The following FANK1 variants were observed in gnomAD, a reference collection of about 807,000 sequenced individuals.
FANK1 encodes the protein fibronectin type 3 and ankyrin repeat domains protein 1.
FANK1 carries 44 observed loss-of-function variants against 45.3 expected under a neutral mutation model. That is an observed-to-expected ratio of 0.97 (90% CI 0.76 to 1.25). The LOEUF is 1.25. Among genes scored for constraint, FANK1 ranks in the 50% most tolerant of loss-of-function variants. The pLI, the probability that FANK1 is intolerant of heterozygous loss-of-function variation, is 0.00. For missense variants in FANK1, 391 were observed against 424.4 expected (o/e 0.92, Z 0.69); for synonymous variants, 149 against 152.5 (o/e 0.98, Z 0.17).
chr10:125,916,269 C>T (rs185405251), intron 1 of FANK1, among the ~76,000 whole-genome samples: 2,450 of 152,066 alleles, frequency 0.016, 62 homozygotes, highest in African/African-American at 0.056. Flanking sequence ...TCTCTTGACC[C>T]GCCTGCCTTG....
chr10:125,917,662 G>A (rs1644648731), intron 1 of FANK1, among the ~76,000 whole-genome samples: 1 of 152,176 alleles, frequency 6.6e-6, no homozygotes, highest in Non-Finnish European at 1.5e-5. Flanking sequence ...CTTTTCTCTT[G>A]TTAATCTGTC....
chr10:125,940,580 A>G (rs2134152854), intron 1 of FANK1, among the ~76,000 whole-genome samples: 1 of 152,206 alleles, frequency 6.6e-6, no homozygotes, highest in East Asian at 1.9e-4. Context: ...AGGGGCACGC[A>G]GGAGACAGAG....
In FANK1 at chr10:125,994,954, C is replaced by T. The variant is rs376466851; in HGVS notation, c.317-463C>T. The T allele has an allele frequency of 1.9e-4, 187 of 984,996 alleles. 3 individuals are homozygous for T. In the South Asian group the frequency reaches 7.5e-3, roughly 39 times the overall value. The allele number at this position is 984,996 out of a possible 1,614,324, so 61.0% of individuals were successfully genotyped here. Reference sequence around the variant, plus strand: ...CCCCAGAAGCTCAGAGAAGACAAGGCCAATATGTAAGTCACATTCCTGGGA... The same window carrying T: ...CCCCAGAAGCTCAGAGAAGACAAGGTCAATATGTAAGTCACATTCCTGGGA... On this transcript the variant is annotated intron_variant, in intron 3 of 10. Transcript: ENST00000368693.
At chr10:125,951,229 T>G (rs947126166) in intron 1 of FANK1, among the ~76,000 whole-genome samples, 2 of 145,652 alleles carry the variant, frequency 1.4e-5, no homozygotes, top group African/African-American at 2.5e-5. Context: ...CCCTAAAACT[T>G]AAAGTATAAA....
chr10:125,995,933 A>T (rs1008822268), intron 4 of FANK1, among the ~76,000 whole-genome samples: 1 of 152,220 alleles, frequency 6.6e-6, no homozygotes, highest in Non-Finnish European at 1.5e-5. Flanking sequence ...TGCAGATGAG[A>T]TGTTTGAAGT....
chr10:125,900,881 CT>C (rs1285721272), intron 1 of FANK1, among the ~76,000 whole-genome samples: 1 of 152,124 alleles, frequency 6.6e-6, no homozygotes, highest in Non-Finnish European at 1.5e-5. Flanking sequence ...AACTCCTGAT[CT>C]CATGTGATCC....
At position 125,980,384 on chromosome 10, in the gene FANK1, T is replaced by C. The variant is rs745841861; in HGVS notation, c.191+46T>C. ...CTTGCCACTTTGCCTTACTTCCTGA[T>C]TAGCTGGAATGATTTCTGTTGTCTC... On this transcript the variant is annotated intron_variant, in intron 2 of 10. Transcript: ENST00000368693. 2.1e-5 allele frequency: 33 copies of C among 1,565,910 alleles called. No individual in the cohort carries two copies. The African/African-American group carries it at 3.8e-4, about 18-fold the overall frequency.
chr10:126,003,421 AT>A (rs1311897665), intron 6 of FANK1, among the ~76,000 whole-genome samples: 2 of 152,152 alleles, frequency 1.3e-5, no homozygotes, highest in Non-Finnish European at 2.9e-5. Context: ...TAAAGGCTTA[AT>A]TAGACTCAGG....
chr10:126,000,458 G>T (rs1277617637), intron 6 of FANK1, among the ~76,000 whole-genome samples: 1 of 152,044 alleles, frequency 6.6e-6, no homozygotes, highest in East Asian at 1.9e-4. Context: ...GTAAGAACCT[G>T]GTATATGATG....
intron 1 of FANK1, among the ~76,000 whole-genome samples, chr10:125,925,062 A>AGG (rs1281510563): frequency 6.6e-6 from 1 of 152,148 alleles, no homozygotes; most frequent in African/African-American, 2.4e-5. Context: ...ATTTTCTTGA[A>AGG]GGGAAGTCTG....
chr10:125,906,238 A>T (rs1241368425), intron 1 of FANK1, among the ~76,000 whole-genome samples: 1 of 152,210 alleles, frequency 6.6e-6, no homozygotes, highest in South Asian at 2.1e-4. Context: ...AGGAGCAGCT[A>T]GGCACAGTGG....
intron 1 of FANK1, among the ~76,000 whole-genome samples, chr10:125,905,604 T>G (rs1396265491): frequency 1.3e-5 from 2 of 152,306 alleles, no homozygotes; most frequent in Non-Finnish European, 2.9e-5. Flanking sequence ...AATGCTATAA[T>G]CAGTATAAAT....
intron 2 of FANK1, among the ~76,000 whole-genome samples, chr10:125,982,754 A>C (rs1030551116): frequency 2.0e-5 from 3 of 152,174 alleles, no homozygotes; most frequent in African/African-American, 7.2e-5. Flanking sequence ...ATAGCCAGTC[A>C]GTTACTGAGT....
intron 1 of FANK1, among the ~76,000 whole-genome samples, chr10:125,920,875 A>G (rs2886648): frequency 1.5e-5 from 2 of 133,324 alleles, no homozygotes; most frequent in Admixed American, 7.5e-5. Flanking sequence ...ACCTATATGC[A>G]CTACTAACTA....
rs1156763442 is a variant in FANK1 at position 125,956,957 on chromosome 10, C to T, written c.14-23204C>T. Among the ~76,000 whole-genome samples, 25 of 152,268 alleles carry T rather than the reference C, an allele frequency of 1.6e-4. No homozygotes were observed. The East Asian group carries it at 4.4e-3, about 27-fold the overall frequency. On this transcript the variant is annotated intron_variant, in intron 1 of 10. Coordinates refer to ENST00000368693, the MANE Select transcript of FANK1 (RefSeq NM_145235.5). Reference sequence around the variant, plus strand: ...TCCCCATCACCCTCCCGGGTTCAAGCGATTCTCCTGCCTCAGCCTCCCGAA... The same window carrying T: ...TCCCCATCACCCTCCCGGGTTCAAGTGATTCTCCTGCCTCAGCCTCCCGAA...
chr10:125,920,474 T>C (rs1445574743), intron 1 of FANK1, among the ~76,000 whole-genome samples: 1 of 152,230 alleles, frequency 6.6e-6, no homozygotes, highest in African/African-American at 2.4e-5. Flanking sequence ...TTTTTCTAAA[T>C]TGAAAAACTT....
At chr10:125,900,926 A>T (rs1366372585) in intron 1 of FANK1, among the ~76,000 whole-genome samples, 1 of 151,842 alleles carries the variant, frequency 6.6e-6, no homozygotes, top group Non-Finnish European at 1.5e-5. Flanking sequence ...CTGGGATTAT[A>T]GGCGTGTGCC....
At chr10:126,009,340 G>T (rs1564981310) in intron 10 of FANK1, 33 bp from the exon 11 acceptor site, 1 of 1,613,924 alleles carries the variant, frequency 6.2e-7, no homozygotes, top group East Asian at 2.2e-5. Flanking sequence ...CAAAACCCTG[G>T]ATTACATTCG....
At chr10:125,912,914 C>T (rs1214681364) in intron 1 of FANK1, among the ~76,000 whole-genome samples, 3 of 152,174 alleles carry the variant, frequency 2.0e-5, no homozygotes, top group African/African-American at 4.8e-5. Flanking sequence ...GGATTACAGG[C>T]GTAAGCCATC....
Sources: gnomAD v4.1 joint callset for allele counts (sites outside exome capture counted in the v4.1 genomes callset) on GRCh38, gnomAD v4.1.1 for gene constraint, MANE v1.5 for transcripts, NCBI Gene and HGNC (gene_info 2026-07-23, HGNC 2026-07-21) for gene names.